Variants in ZNF33B observed in about 807,000 individuals in gnomAD.
ZNF33B encodes the protein zinc finger protein 11b (KOX 2).
Under a neutral mutation model 45.8 loss-of-function variants are expected in ZNF33B, and 29 were observed. The ratio of observed to expected loss-of-function variants is 0.63; its 90% confidence interval spans 0.47 to 0.86. ZNF33B has a LOEUF of 0.86. ZNF33B is among the 40% of genes least tolerant of loss of function. The pLI, the probability that ZNF33B is intolerant of heterozygous loss-of-function variation, is 0.00. For synonymous variants in ZNF33B, 305 were observed against 307.8 expected, an observed-to-expected ratio of 0.99 and a Z score of 0.10; for missense variants, 831 against 909.9, an observed-to-expected ratio of 0.91 and a Z score of 1.12.
chr10:42,608,525 T>C (rs1490356323), intron 4 of ZNF33B, among the ~76,000 whole-genome samples: 1 of 151,842 alleles, frequency 6.6e-6, no homozygotes, highest in Non-Finnish European at 1.5e-5. Context: ...GCACAAATTA[T>C]ATAATACATT....
At position 42,629,865 on chromosome 10, in the gene ZNF33B, G is replaced by A. The variant is rs537737087; in HGVS notation, c.250+2064C>T. Reference sequence around the variant, plus strand: ...CAGTAGTTGTTCTAGGTATTAAAATGTACATATGTAAGTTATCACAGTCTA... The same window carrying A: ...CAGTAGTTGTTCTAGGTATTAAAATATACATATGTAAGTTATCACAGTCTA... On this transcript the variant is annotated intron_variant, in intron 4 of 4. Coordinates refer to ENST00000359467, the MANE Select transcript of ZNF33B (RefSeq NM_006955.3). 7.2e-5 allele frequency among the ~76,000 whole-genome samples: 11 copies of A among 152,198 alleles called. No individual in the cohort carries two copies. In the East Asian group the frequency reaches 2.1e-3, roughly 29 times the overall value.
intron 4 of ZNF33B, among the ~76,000 whole-genome samples, chr10:42,615,218 G>C (rs1009521492): frequency 3.3e-5 from 5 of 152,134 alleles, no homozygotes; most frequent in African/African-American, 1.2e-4. Context: ...CTACTTCTAA[G>C]TATATATCTG....
intron 4 of ZNF33B, among the ~76,000 whole-genome samples, chr10:42,595,315 T>C (rs188923278): frequency 6.6e-5 from 10 of 152,282 alleles, no homozygotes; most frequent in East Asian, 3.9e-4. Context: ...TGAATTCACA[T>C]AGATTAAAGC....
At chr10:42,575,883 C>T (rs1836742199) in intron 1 of ZNF33B, among the ~76,000 whole-genome samples, 1 of 150,672 alleles carries the variant, frequency 6.6e-6, no homozygotes, top group Admixed American at 6.7e-5. Context: ...ACAAGCGCCA[C>T]CACGCCTGGC....
At chr10:42,635,395 G>A (rs1839246038) in intron 2 of ZNF33B, among the ~76,000 whole-genome samples, 1 of 152,140 alleles carries the variant, frequency 6.6e-6, no homozygotes, top group Non-Finnish European at 1.5e-5. Context: ...GGACAAGACG[G>A]CAGCTGCAGG....
chr10:42,620,148 G>A (rs1838504754), intron 4 of ZNF33B, among the ~76,000 whole-genome samples: 1 of 151,060 alleles, frequency 6.6e-6, no homozygotes, highest in Non-Finnish European at 1.5e-5. Flanking sequence ...CCCAGGAGGA[G>A]GAGGTTGCAG....
At position 42,593,079 on chromosome 10, in the gene ZNF33B, A is replaced by G; in HGVS notation, c.1871T>C (p.Leu624Pro). The G allele has an allele frequency of 6.2e-7, 1 of 1,613,962 alleles. No homozygotes were observed. Among genetic ancestry groups the G allele is most frequent in the Non-Finnish European group, 8.5e-7 (1 of 1,179,972 alleles). ...TATGTGAATTCTCTGATGCTGAGTG[A>G]GTTGTGACTTCTGGCAGAAGGTTTT... ...CGKTFCQKSQ[L>P]TQHQRIHIGE... The change falls in exon 5 of 5, where the codon CTC becomes CCC. Residue 624 changes from leucine to proline, a missense_variant. Leu to Pro is a moderately conservative substitution (Grantham distance 98, BLOSUM62 -3). Coordinates refer to ENST00000359467, the MANE Select transcript of ZNF33B (RefSeq NM_006955.3).
Position 42,608,647 on chromosome 10 carries a change from T to G in ZNF33B, c.251-13948A>C, listed in dbSNP as rs141512934. Among the ~76,000 whole-genome samples the G allele has an allele frequency of 8.3e-4, 126 of 152,156 alleles. 1 individual carries two copies. The Middle Eastern group carries it at 0.024, about 29-fold the overall frequency. ...TATGGAACACAGATAAAGCAATGCT[T>G]AGAGAGAGATTTGTAGCTGTAATAA... On this transcript the variant is annotated intron_variant, in intron 4 of 4. Coordinates refer to ENST00000359467, the MANE Select transcript of ZNF33B (RefSeq NM_006955.3).
chr10:42,627,583 C>T (rs1838866101), intron 4 of ZNF33B, among the ~76,000 whole-genome samples: 2 of 152,020 alleles, frequency 1.3e-5, no homozygotes, highest in South Asian at 4.1e-4. Context: ...TTTTATTTTG[C>T]TCTTTGCTAG....
At position 42,638,316 on chromosome 10, in the gene ZNF33B, C is replaced by T. The variant is rs762070401; in HGVS notation, c.-45+158G>A. 3.3e-5 allele frequency among the ~76,000 whole-genome samples: 5 copies of T among 152,280 alleles called. No homozygotes were observed. The South Asian group carries it at 6.2e-4, about 19-fold the overall frequency. ...AGAGGCTGCGCCTTAGAGGAACTGG[C>T]GTAGCGTCCTGGTAGACATGCTGCA... On this transcript the variant is annotated intron_variant, in intron 1 of 4. Transcript: ENST00000359467.
At chr10:42,616,329 T>C (rs1384970966) in intron 4 of ZNF33B, among the ~76,000 whole-genome samples, 1 of 152,194 alleles carries the variant, frequency 6.6e-6, no homozygotes, top group East Asian at 1.9e-4. Context: ...AAGAGTACAG[T>C]ATGTGAATTA....
At chr10:42,601,876 AACT>A (rs1392718439) in intron 4 of ZNF33B, among the ~76,000 whole-genome samples, 1 of 148,396 alleles carries the variant, frequency 6.7e-6, no homozygotes, top group African/African-American at 2.5e-5. Context: ...GCAATCTTTG[AACT>A]GCCATTAATT....
downstream of ZNF33B, among the ~76,000 whole-genome samples, chr10:42,585,893 A>T (rs374183976): frequency 1.9e-4 from 29 of 152,298 alleles, 1 homozygote; most frequent in African/African-American, 6.7e-4. Context: ...AACTATCCTT[A>T]AAAAGGAAAT....
At chr10:42,586,638 C>T (rs1385516942), downstream of ZNF33B, among the ~76,000 whole-genome samples, 2 of 152,234 alleles carry the variant, frequency 1.3e-5, no homozygotes, top group South Asian at 4.1e-4. Context: ...AACACACACA[C>T]ACAGTCATAA....
At chr10:42,610,672 C>T (rs1046989120) in intron 4 of ZNF33B, among the ~76,000 whole-genome samples, 1 of 152,054 alleles carries the variant, frequency 6.6e-6, no homozygotes, top group African/African-American at 2.4e-5. Context: ...TTAAAGACAG[C>T]CTAAATAAAT....
intron 1 of ZNF33B, among the ~76,000 whole-genome samples, chr10:42,638,094 G>A (rs1219198056): frequency 3.3e-5 from 5 of 152,244 alleles, no homozygotes; most frequent in African/African-American, 9.6e-5. Context: ...GGGCAACAGA[G>A]TCCGTATGTC....
At chr10:42,582,528 G>T in intron 1 of ZNF33B, 1 of 152,748 alleles carries the variant, frequency 6.5e-6, no homozygotes, top group Non-Finnish European at 1.5e-5. Flanking sequence ...GGGAAGAGGT[G>T]AAGGAAGAGT....
chr10:42,608,031 C>A (rs1837939205), intron 4 of ZNF33B, among the ~76,000 whole-genome samples: 1 of 152,030 alleles, frequency 6.6e-6, no homozygotes, highest in Non-Finnish European at 1.5e-5. Context: ...CACATGGCAC[C>A]AATAAGGCTG....
At chr10:42,635,120 A>T (rs1839228521) in intron 2 of ZNF33B, among the ~76,000 whole-genome samples, 1 of 152,078 alleles carries the variant, frequency 6.6e-6, no homozygotes, top group Non-Finnish European at 1.5e-5. Context: ...ATGTGCCTGT[A>T]ATTTCAGCTA....
Sources: gnomAD v4.1 joint callset for allele counts (sites outside exome capture counted in the v4.1 genomes callset) on GRCh38, gnomAD v4.1.1 for gene constraint, MANE v1.5 for transcripts, NCBI Gene and HGNC (gene_info 2026-07-23, HGNC 2026-07-21) for gene names.